TUBGCP5: variants seen among roughly 807,000 people sequenced by gnomAD.
TUBGCP5 encodes the protein tubulin gamma complex component 5.
In TUBGCP5, 98 loss-of-function variants were observed where a neutral mutation model predicts 134.7. That is an observed-to-expected ratio of 0.73 (90% CI 0.62 to 0.86). The LOEUF (loss-of-function observed/expected upper bound fraction) is 0.86. Among genes scored for constraint, TUBGCP5 ranks in the 40% least tolerant of loss-of-function variants. The probability of loss-of-function intolerance (pLI) is 0.00; values close to 1 mark genes in which losing one functional copy is unlikely to be tolerated. For missense variants in TUBGCP5, 1,150 were observed against 1,244.8 expected (o/e 0.92, Z 1.15); for synonymous variants, 456 against 431.4 (o/e 1.06, Z -0.71).
rs376431264 is a variant in TUBGCP5 at position 23,015,667 on chromosome 15, G to A, written c.1756+2106C>T. 2.6e-5 allele frequency among the ~76,000 whole-genome samples: 4 copies of A among 152,182 alleles called. No individual in the cohort carries two copies. In the South Asian group the frequency reaches 6.2e-4, roughly 24 times the overall value. Reference sequence around the variant, plus strand: ...AAAAGAAAGTGCTGGGATTATAGGCGTGAGCCACCACGCCCAGCCAACTGT... The same window carrying A: ...AAAAGAAAGTGCTGGGATTATAGGCATGAGCCACCACGCCCAGCCAACTGT... On this transcript the variant is annotated intron_variant, in intron 13 of 22. Coordinates refer to ENST00000615383, the MANE Select transcript of TUBGCP5 (RefSeq NM_052903.6).
intron 23 of TUBGCP5, among the ~76,000 whole-genome samples, chr15:22,992,423 G>A (rs1346888856): frequency 2.6e-5 from 4 of 152,132 alleles, no homozygotes; most frequent in Non-Finnish European, 5.9e-5. Flanking sequence ...TAAGAGCAAA[G>A]CCCTGCAGCA....
chr15:23,036,790 T>C (rs2066613747), intron 3 of TUBGCP5, 107 bp downstream of exon 3: 3 of 789,262 alleles, frequency 3.8e-6, no homozygotes, highest in Admixed American at 4.9e-5. Flanking sequence ...CGTTAGCCAG[T>C]AGATAATACT....
At chr15:23,025,122 G>A (rs1186881952) in intron 8 of TUBGCP5, among the ~76,000 whole-genome samples, 2 of 151,988 alleles carry the variant, frequency 1.3e-5, no homozygotes, top group Non-Finnish European at 2.9e-5. Flanking sequence ...GGCTGGTCTC[G>A]AACTCCTGAG....
chr15:23,031,104 A>G lies in TUBGCP5; in HGVS notation c.487-84T>C, dbSNP rs921219912. ...CATTAAAAGACTAAGAAAACTTTGA[A>G]GAAAAGCAAAAACTTTGAAGCAACA... On this transcript the variant is annotated intron_variant, in intron 5 of 22. Coordinates refer to ENST00000615383, the MANE Select transcript of TUBGCP5 (RefSeq NM_052903.6). 12 of 1,370,998 alleles carry G rather than the reference A, an allele frequency of 8.8e-6. No homozygotes were observed. In the African/African-American group the frequency reaches 1.8e-4, roughly 20 times the overall value. 84.9% of individuals were successfully genotyped at this position (1,370,998 alleles called of 1,614,324 possible).
Position 23,020,123 on chromosome 15 carries a change from A to G in TUBGCP5, c.1372-789T>C, listed in dbSNP as rs554330727. Among the ~76,000 whole-genome samples the G allele has an allele frequency of 3.2e-4, 49 of 151,990 alleles. 2 individuals are homozygous for G. The South Asian group carries it at 9.4e-3, about 29-fold the overall frequency. On this transcript the variant is annotated intron_variant, in intron 11 of 22. Coordinates refer to ENST00000615383, the MANE Select transcript of TUBGCP5 (RefSeq NM_052903.6). ...GAAACCCCATCTCTATTAAAAAAAA[A>G]TACAGCTGGGTGTGGTGGCTCATGC...
intron 6 of TUBGCP5, among the ~76,000 whole-genome samples, chr15:23,027,805 T>C (rs1420211748): frequency 6.7e-6 from 1 of 150,336 alleles, no homozygotes; most frequent in East Asian, 1.9e-4. Flanking sequence ...TAAATTTAAT[T>C]AAATGTAACT....
At position 23,032,772 on chromosome 15, in the gene TUBGCP5, G is replaced by A. The variant is rs1487912787; in HGVS notation, c.362C>T (p.Pro121Leu). Reference protein sequence around the residue: ...LSLLLCLSDSPSNSSYVETPR... With the variant: ...LSLLLCLSDSLSNSSYVETPR... ...TGTCTCCACATAACTGCTGTTTGAA[G>A]GAGAGTCTGACAGACACAGAAGAAG... Residue 121 changes from proline (P) to leucine (L), a missense_variant, in exon 4 of 23, where the codon CCT becomes CTT. Around this residue, in one of 2 missense-constraint regions of TUBGCP5, gnomAD observed 453 missense variants for 394.7 expected, o/e 1.15. Coordinates refer to ENST00000615383, the MANE Select transcript of TUBGCP5 (RefSeq NM_052903.6). The A allele has an allele frequency of 2.5e-6, 4 of 1,596,376 alleles. No homozygotes were observed. The highest frequency in any genetic ancestry group is 1.3e-5 in the African/African-American group (1 of 74,116).
At chr15:23,038,685 T>C (rs1049809086) in intron 1 of TUBGCP5, among the ~76,000 whole-genome samples, 5 of 152,348 alleles carry the variant, frequency 3.3e-5, no homozygotes, top group African/African-American at 1.2e-4. Flanking sequence ...TTAACATTTT[T>C]TTAGTAATAA....
At chr15:22,993,708 C>A in intron 23 of TUBGCP5, among the ~76,000 whole-genome samples, 1 of 151,740 alleles carries the variant, frequency 6.6e-6, no homozygotes. Flanking sequence ...CCATGCCCAG[C>A]TAGTTCTTGT....
At chr15:23,008,385 GC>G in intron 16 of TUBGCP5, 1 of 341,944 alleles carries the variant, frequency 2.9e-6, no homozygotes, top group Non-Finnish European at 5.5e-6. Flanking sequence ...TCCTGCTTCA[GC>G]CTCCCAAATA....
intron 19 of TUBGCP5, 189 bp from the exon 20 acceptor site, chr15:23,004,416 G>C (rs1217175638): frequency 3.2e-6 from 2 of 625,896 alleles, no homozygotes; most frequent in Non-Finnish European, 2.6e-6. Context: ...ATCCTAAGAG[G>C]ACGGCGGGGG....
In TUBGCP5 at chr15:23,024,144, A is replaced by G; in HGVS notation, c.971T>C (p.Val324Ala). The change falls in exon 10 of 23, where the codon GTG becomes GCG. Residue 324 changes from valine (V) to alanine (A), a missense_variant. Physicochemically the swap from Val to Ala is moderately conservative, Grantham distance 64 (BLOSUM62 0). This residue lies in a region of TUBGCP5 where 453 missense variants were observed against 394.7 expected (regional missense o/e 1.15). Transcript: ENST00000615383. ...LEQIAAYGQV[V>A]FRLQEFIDEV... ...ATCAATGAACTCCTGGAGTCGAAAC[A>G]CAACCTGGCCATATGCTGCTATTTG... 1 of 1,614,198 alleles carries G rather than the reference A, an allele frequency of 6.2e-7. No individual in the cohort carries two copies. Among genetic ancestry groups the G allele is most frequent in the South Asian group, 1.1e-5 (1 of 91,084 alleles).
At chr15:23,016,969 G>GATATGTATATATATAT (rs1555439436) in intron 13 of TUBGCP5, among the ~76,000 whole-genome samples, 29 of 109,420 alleles carry the variant, frequency 2.7e-4, no homozygotes, top group African/African-American at 1.0e-3. Flanking sequence ...AAAATTGTGA[G>GATATGTATATATATAT]ATATATATAT....
At chr15:23,002,380 G>A (rs1026987883) in intron 21 of TUBGCP5, among the ~76,000 whole-genome samples, 11 of 152,104 alleles carry the variant, frequency 7.2e-5, no homozygotes, top group African/African-American at 2.7e-4. Context: ...TTTCATGGAA[G>A]TAACAGCAGA....
chr15:23,037,426 A>G (rs1195520004), intron 1 of TUBGCP5, among the ~76,000 whole-genome samples: 1 of 152,144 alleles, frequency 6.6e-6, no homozygotes, highest in Admixed American at 6.5e-5. Context: ...CCTGTACCTA[A>G]GTCCAGCTGA....
Position 23,026,102 on chromosome 15 carries a change from T to C in TUBGCP5, c.827+14A>G, listed in dbSNP as rs2065967074. 1.3e-6 allele frequency: 2 copies of C among 1,589,024 alleles called. No homozygotes were observed. The highest frequency in any genetic ancestry group is 1.7e-6 in the Non-Finnish European group (2 of 1,170,566). On this transcript the variant is annotated intron_variant, in intron 8 of 22. Coordinates refer to ENST00000615383, the MANE Select transcript of TUBGCP5 (RefSeq NM_052903.6). ...AGTCTCATAAAGACTATTAATTAAATGAACATTTCTTACCATAGGGTTTCC... is the reference window on the plus strand; with the variant it reads ...AGTCTCATAAAGACTATTAATTAAACGAACATTTCTTACCATAGGGTTTCC...
At chr15:23,021,275 T>C (rs1351168076) in intron 11 of TUBGCP5, among the ~76,000 whole-genome samples, 17 of 152,158 alleles carry the variant, frequency 1.1e-4, no homozygotes. Flanking sequence ...ATGGCCTAGA[T>C]TTGTATTTTT....
At chr15:23,011,423 T>C (rs1004966938) in intron 13 of TUBGCP5, 92 bp from the exon 14 acceptor site, 1 of 505,712 alleles carries the variant, frequency 2.0e-6, no homozygotes, top group Non-Finnish European at 3.2e-6. Flanking sequence ...TAACAATATA[T>C]TAAGTAACAA....
rs370619147 is a variant in TUBGCP5 at position 23,027,321 on chromosome 15, T to C, written c.623-15A>G. ...ATCTGGCTCATCTGCTTGAAAGAAATGTAATCAGTTTGAGTTAACAACAAC... is the reference window on the plus strand; with the variant it reads ...ATCTGGCTCATCTGCTTGAAAGAAACGTAATCAGTTTGAGTTAACAACAAC... On this transcript the variant is annotated splice_polypyrimidine_tract_variant and intron_variant, in intron 6 of 22. Coordinates refer to ENST00000615383, the MANE Select transcript of TUBGCP5 (RefSeq NM_052903.6). 7 of 1,609,066 alleles carry C rather than the reference T, an allele frequency of 4.4e-6. No individual in the cohort carries two copies. The highest frequency in any genetic ancestry group is 6.0e-6 in the Non-Finnish European group (7 of 1,175,904).
Sources: allele counts gnomAD v4.1 joint callset (sites outside exome capture counted in the v4.1 genomes callset), GRCh38; gene constraint gnomAD v4.1.1; regional missense constraint gnomAD v4.1.1; transcripts MANE v1.5; gene names NCBI Gene and HGNC (gene_info 2026-07-23, HGNC 2026-07-21).